RFC3: variants seen among roughly 807,000 people sequenced by gnomAD.
RFC3 encodes the protein replication factor C subunit 3, also known as A1 38 kDa subunit.
Under a neutral mutation model 45.1 loss-of-function variants are expected in RFC3, and 41 were observed. The ratio of observed to expected loss-of-function variants is 0.91; its 90% CI spans 0.71 to 1.18. The LOEUF (loss-of-function observed/expected upper bound fraction) is 1.18. Among genes scored for constraint, RFC3 ranks in the 50% most tolerant of loss-of-function variants. RFC3 has a pLI of 0.00. For synonymous variants in RFC3, 149 were observed against 144.0 expected (o/e 1.03, Z -0.25); for missense variants, 423 against 428.1 (o/e 0.99, Z 0.10).
At chr13:33,917,602 C>A (rs554804219) in intron 8 of RFC3, among the ~76,000 whole-genome samples, 1 of 152,236 alleles carries the variant, frequency 6.6e-6, no homozygotes, top group African/African-American at 2.4e-5. Context: ...AAAGCACAAC[C>A]TGGTGGTCGT....
At chr13:33,884,873 A>T (rs990087636) in intron 8 of RFC3, among the ~76,000 whole-genome samples, 3 of 152,228 alleles carry the variant, frequency 2.0e-5, no homozygotes, top group Non-Finnish European at 4.4e-5. Flanking sequence ...AAAAAGAGAA[A>T]GGAGTCCAAG....
chr13:33,954,142 T>G (rs1191674779), intron 8 of RFC3, among the ~76,000 whole-genome samples: 1 of 152,196 alleles, frequency 6.6e-6, no homozygotes, highest in East Asian at 1.9e-4. Context: ...TGTAAAGAGT[T>G]AAGGTAAAAA....
chr13:33,917,869 C>A (rs1440188261), intron 8 of RFC3, among the ~76,000 whole-genome samples: 1 of 151,630 alleles, frequency 6.6e-6, no homozygotes, highest in East Asian at 1.9e-4. Context: ...AAAAAACAAA[C>A]AAACAGGAAA....
chr13:33,844,478 G>A (rs1244369068), intron 8 of RFC3, among the ~76,000 whole-genome samples: 1 of 150,856 alleles, frequency 6.6e-6, no homozygotes, highest in Non-Finnish European at 1.5e-5. Context: ...CCTCCTTCTT[G>A]CTTGCCTGCT....
chr13:33,845,384 C>G (rs1186739047), intron 8 of RFC3, among the ~76,000 whole-genome samples: 1 of 152,090 alleles, frequency 6.6e-6, no homozygotes, highest in East Asian at 1.9e-4. Flanking sequence ...CTCTCTCTAC[C>G]TTTTCTTTAA....
intron 8 of RFC3, among the ~76,000 whole-genome samples, chr13:33,911,515 A>G (rs2082703675): frequency 6.6e-6 from 1 of 152,126 alleles, no homozygotes; most frequent in South Asian, 2.1e-4. Flanking sequence ...TTATAAAAAA[A>G]AGAGGTGTAT....
At chr13:33,963,182 A>AT (rs1555246000) in intron 8 of RFC3, among the ~76,000 whole-genome samples, 1 of 151,564 alleles carries the variant, frequency 6.6e-6, no homozygotes, top group Non-Finnish European at 1.5e-5. Flanking sequence ...TTAAAATATT[A>AT]TAAGTAAATT....
intron 8 of RFC3, among the ~76,000 whole-genome samples, chr13:33,909,110 T>C (rs2082689275): frequency 6.6e-6 from 1 of 152,092 alleles, no homozygotes; most frequent in African/African-American, 2.4e-5. Flanking sequence ...CCCAATCTAA[T>C]AGCTTTTCTC....
At chr13:33,938,648 T>C (rs965419476) in intron 8 of RFC3, among the ~76,000 whole-genome samples, 2 of 152,194 alleles carry the variant, frequency 1.3e-5, no homozygotes, top group Non-Finnish European at 2.9e-5. Flanking sequence ...CTAAATAGTA[T>C]GCCATTGTAT....
intron 8 of RFC3, among the ~76,000 whole-genome samples, chr13:33,844,791 A>C (rs2082225523): frequency 6.6e-6 from 1 of 152,164 alleles, no homozygotes; most frequent in Non-Finnish European, 1.5e-5. Flanking sequence ...TAGTCTTTCT[A>C]TTCAAGATAT....
intron 8 of RFC3, among the ~76,000 whole-genome samples, chr13:33,960,524 C>T (rs1490419014): frequency 6.6e-6 from 1 of 152,230 alleles, no homozygotes; most frequent in African/African-American, 2.4e-5. Context: ...CTTCCTTCTA[C>T]TGTCAGTGAA....
intron 8 of RFC3, among the ~76,000 whole-genome samples, chr13:33,852,147 T>A (rs906253922): frequency 1.3e-5 from 2 of 152,228 alleles, no homozygotes; most frequent in African/African-American, 4.8e-5. Context: ...TGTAAGTTAT[T>A]GTCATCCAGG....
At chr13:33,877,805 T>G (rs1253059028) in intron 8 of RFC3, among the ~76,000 whole-genome samples, 2 of 148,750 alleles carry the variant, frequency 1.3e-5, no homozygotes, top group Non-Finnish European at 3.0e-5. Context: ...ATAATATAGT[T>G]TATATAATAT....
intron 8 of RFC3, among the ~76,000 whole-genome samples, chr13:33,914,697 T>C (rs1205401180): frequency 6.6e-6 from 1 of 152,140 alleles, no homozygotes; most frequent in African/African-American, 2.4e-5. Flanking sequence ...CAATGCTAAA[T>C]AATAATTAAG....
In RFC3 at chr13:33,955,840, G is replaced by A. The variant is rs960087512; in HGVS notation, c.880-10247G>A. ...AGATGTCTCAGGGGCTTCAGGAGGC[G>A]CATGTGCAGGCCACGTGCAGGAGAA... is the stretch of plus-strand genomic sequence containing the variant. On this transcript the variant is annotated intron_variant, in intron 8 of 8. Transcript: ENST00000434425. Among the ~76,000 whole-genome samples the A allele has an allele frequency of 4.6e-5, 7 of 152,248 alleles. No individual in the cohort carries two copies. In the East Asian group the frequency reaches 1.2e-3, roughly 25 times the overall value.
At chr13:33,953,845 T>G (rs2083004991) in intron 8 of RFC3, among the ~76,000 whole-genome samples, 1 of 152,182 alleles carries the variant, frequency 6.6e-6, no homozygotes, top group South Asian at 2.1e-4. Flanking sequence ...TAAAGAAGCA[T>G]AAAACTAAAA....
chr13:33,856,938 C>T (rs1027073535), intron 8 of RFC3, among the ~76,000 whole-genome samples: 10 of 152,112 alleles, frequency 6.6e-5, no homozygotes, highest in Non-Finnish European at 1.2e-4. Flanking sequence ...CTCAACTCTA[C>T]CCAGACAGCA....
At chr13:33,896,228 A>G (rs2082597440) in intron 8 of RFC3, among the ~76,000 whole-genome samples, 1 of 151,646 alleles carries the variant, frequency 6.6e-6, no homozygotes, top group South Asian at 2.1e-4. Context: ...TTCTATTCTA[A>G]TATAAAAAGA....
At chr13:33,891,180 T>C (rs1488419699) in intron 8 of RFC3, among the ~76,000 whole-genome samples, 1 of 152,184 alleles carries the variant, frequency 6.6e-6, no homozygotes, top group Non-Finnish European at 1.5e-5. Context: ...AAGTCTAATA[T>C]TAAATATACA....
Sources: allele counts gnomAD v4.1 joint callset (sites outside exome capture counted in the v4.1 genomes callset), GRCh38; gene constraint gnomAD v4.1.1; transcripts MANE v1.5; gene names NCBI Gene and HGNC (gene_info 2026-07-23, HGNC 2026-07-21).